Variants in HDAC9 observed in about 807,000 individuals in gnomAD.
HDAC9 encodes the protein histone deacetylase 9, also known as MEF-2 interacting transcription repressor (MITR) protein.
HDAC9 carries 41 observed loss-of-function variants against 139.4 expected under a neutral mutation model. The ratio of observed to expected loss-of-function variants is 0.29; its 90% CI spans 0.23 to 0.38. HDAC9 has a LOEUF of 0.38. Among genes scored for constraint, HDAC9 ranks in the 10% least tolerant of loss-of-function variants. The probability of loss-of-function intolerance (pLI) is 1.00; values close to 1 mark genes in which losing one functional copy is unlikely to be tolerated. For synonymous variants in HDAC9, 517 were observed against 476.2 expected, an observed-to-expected ratio of 1.09 and a Z score of -1.12; for missense variants, 1,147 against 1,297.0, an observed-to-expected ratio of 0.88 and a Z score of 1.78.
At chr7:18,839,849 A>T (rs1279039018) in intron 21 of HDAC9, among the ~76,000 whole-genome samples, 1 of 152,014 alleles carries the variant, frequency 6.6e-6, no homozygotes, top group East Asian at 1.9e-4. Flanking sequence ...TTTTCTAAAG[A>T]CTAATTCTTT....
At chr7:18,769,554 ATG>A (rs67450024) in intron 16 of HDAC9, among the ~76,000 whole-genome samples, 60,999 of 151,134 alleles carry the variant, frequency 0.4, 13,605 homozygotes, top group Non-Finnish European at 0.52. Flanking sequence ...GTGGGTGTGA[ATG>A]TGTGTGTGTG....
intron 25 of HDAC9, among the ~76,000 whole-genome samples, chr7:18,982,644 C>T (rs570587271): frequency 1.3e-5 from 2 of 152,240 alleles, no homozygotes; most frequent in South Asian, 4.1e-4. Flanking sequence ...GTCGGTGCCA[C>T]TCCCTCCAGA....
chr7:18,286,904 A>C (rs1344247079), upstream of HDAC9, among the ~76,000 whole-genome samples: 1 of 152,172 alleles, frequency 6.6e-6, no homozygotes, highest in Non-Finnish European at 1.5e-5. Context: ...ACACGCAGTC[A>C]GACTTGCCTC....
At chr7:18,373,367 TA>T (rs1021080066) in intron 1 of HDAC9, among the ~76,000 whole-genome samples, 4 of 151,864 alleles carry the variant, frequency 2.6e-5, no homozygotes, top group Admixed American at 1.3e-4. Flanking sequence ...TATGTTACCT[TA>T]AAAAAAAGGA....
intron 11 of HDAC9, among the ~76,000 whole-genome samples, chr7:18,661,395 G>A (rs956036397): frequency 1.1e-4 from 16 of 152,038 alleles, no homozygotes; most frequent in South Asian, 4.1e-4. Flanking sequence ...AGTTAAGTAC[G>A]CAGCTAACTA....
chr7:18,168,749 AT>A (rs1170509173), intron 2 of HDAC9, among the ~76,000 whole-genome samples: 5 of 152,110 alleles, frequency 3.3e-5, no homozygotes, highest in African/African-American at 1.2e-4. Flanking sequence ...TATTTTGAGA[AT>A]GTCAACGTAT....
chr7:18,434,501 A>G (rs1397156730), intron 1 of HDAC9, among the ~76,000 whole-genome samples: 1 of 152,266 alleles, frequency 6.6e-6, no homozygotes, highest in Non-Finnish European at 1.5e-5. Flanking sequence ...TGCATGCAAC[A>G]AAGGTCTAAT....
At chr7:18,669,686 C>A (rs1795545569) in intron 12 of HDAC9, among the ~76,000 whole-genome samples, 1 of 151,672 alleles carries the variant, frequency 6.6e-6, no homozygotes, top group South Asian at 2.1e-4. Flanking sequence ...TTAGAGAAAT[C>A]AATTAAAAAA....
intron 1 of HDAC9, among the ~76,000 whole-genome samples, chr7:18,152,909 T>C (rs1786889595): frequency 6.6e-6 from 1 of 152,194 alleles, no homozygotes. Context: ...TTCTGGAAAT[T>C]TAGGTGTATC....
At chr7:18,897,728 G>C (rs1456168656) in intron 22 of HDAC9, among the ~76,000 whole-genome samples, 1 of 151,078 alleles carries the variant, frequency 6.6e-6, no homozygotes, top group East Asian at 1.9e-4. Context: ...CATTATATGT[G>C]TAGAATGAGT....
At chr7:18,901,064 A>G (rs1489455853) in intron 22 of HDAC9, among the ~76,000 whole-genome samples, 2 of 151,946 alleles carry the variant, frequency 1.3e-5, no homozygotes, top group Non-Finnish European at 2.9e-5. Flanking sequence ...ACTTCTTTTC[A>G]AAGATTGCTT....
chr7:18,108,328 G>A (rs1291990803), intron 1 of HDAC9, among the ~76,000 whole-genome samples: 3 of 152,154 alleles, frequency 2.0e-5, no homozygotes, highest in Admixed American at 6.5e-5. Flanking sequence ...TGTATATGGA[G>A]ATGGGCGCCA....
chr7:18,943,804 G>C (rs1177808592), intron 23 of HDAC9, among the ~76,000 whole-genome samples: 1 of 151,938 alleles, frequency 6.6e-6, no homozygotes, highest in Non-Finnish European at 1.5e-5. Context: ...TAAGACTTAT[G>C]TCACTGCTAT....
intron 22 of HDAC9, among the ~76,000 whole-genome samples, chr7:18,932,666 G>C (rs1342296094): frequency 6.6e-6 from 1 of 151,826 alleles, no homozygotes; most frequent in Non-Finnish European, 1.5e-5. Context: ...CTTTGGAAGA[G>C]AATAAATAGG....
chr7:18,824,081 G>C (rs975139045), intron 17 of HDAC9, among the ~76,000 whole-genome samples: 6 of 150,386 alleles, frequency 4.0e-5, no homozygotes, highest in East Asian at 2.0e-4. Flanking sequence ...AGAAGAAGAA[G>C]AAGAAGAACA....
chr7:18,915,205 A>G (rs1054406973), intron 22 of HDAC9, among the ~76,000 whole-genome samples: 1 of 152,048 alleles, frequency 6.6e-6, no homozygotes, highest in African/African-American at 2.4e-5. Flanking sequence ...TTCTGTAAGG[A>G]TATTTTATAA....
intron 1 of HDAC9, among the ~76,000 whole-genome samples, chr7:18,441,680 A>G: frequency 6.6e-6 from 1 of 152,236 alleles, no homozygotes; most frequent in East Asian, 1.9e-4. Flanking sequence ...CAAAAGAAAG[A>G]AAATTATTTA....
chr7:18,329,059 T>C lies in HDAC9; in HGVS notation c.-42+38544T>C, dbSNP rs74420290. On this transcript the variant is annotated intron_variant, in intron 1 of 3. Transcript: ENST00000413509. Reference sequence around the variant, plus strand: ...GTAGGTTCCATGTTTGTAGTTCATTTGTTTCTTCTAGGTTATCCTACTTGT... The same window carrying C: ...GTAGGTTCCATGTTTGTAGTTCATTCGTTTCTTCTAGGTTATCCTACTTGT... Among the ~76,000 whole-genome samples the C allele has an allele frequency of 2.6e-4, 40 of 151,934 alleles. No homozygotes were observed. In the East Asian group the frequency reaches 7.6e-3, roughly 29 times the overall value.
intron 2 of HDAC9, among the ~76,000 whole-genome samples, chr7:18,277,799 C>T (rs775005952): frequency 2.8e-4 from 42 of 152,090 alleles, no homozygotes; most frequent in Non-Finnish European, 4.4e-5. Flanking sequence ...AGTCAATTTA[C>T]TAATTAATAG....
Sources: allele counts gnomAD v4.1 joint callset (sites outside exome capture counted in the v4.1 genomes callset), GRCh38; gene constraint gnomAD v4.1.1; transcripts MANE v1.5; gene names NCBI Gene and HGNC (gene_info 2026-07-23, HGNC 2026-07-21).